Variants in PLA2G4B observed in about 807,000 individuals in gnomAD.
The protein encoded by PLA2G4B is cytosolic phospholipase A2 beta.
In PLA2G4B, 122 loss-of-function variants were observed where a neutral mutation model predicts 95.8. The ratio of observed to expected loss-of-function variants is 1.27; its 90% CI spans 1.10 to 1.48. The LOEUF (loss-of-function observed/expected upper bound fraction) is 1.48, where lower values mean the gene tolerates loss of function less well. Ranked by LOEUF, PLA2G4B falls within the 40% of genes most tolerant of loss-of-function variation. The pLI is 0.00. For synonymous variants in PLA2G4B, 518 were observed against 421.5 expected (o/e 1.23, Z -2.80); for missense variants, 1,158 against 996.2 (o/e 1.16, Z -2.19).
At position 41,843,814 on chromosome 15, in the gene PLA2G4B, T is replaced by C; in HGVS notation, c.879+3T>C. On this transcript the variant is annotated splice_donor_region_variant and intron_variant, in intron 11 of 19. Coordinates refer to ENST00000458483, the MANE Select transcript of PLA2G4B (RefSeq NM_001114633.2). ...ACGGAGACCTGCAGGAGGATGAGGT[T>C]TGGGGGCTGGGCTGGATGGGGTGTC... The C allele has an allele frequency of 6.2e-7, 1 of 1,613,516 alleles. No homozygotes were observed. The highest frequency in any genetic ancestry group is 8.5e-7 in the Non-Finnish European group (1 of 1,179,700).
In PLA2G4B at chr15:41,847,991, C is replaced by G. The variant is rs926032812; in HGVS notation, c.*131C>G. 3 of 1,272,824 alleles carry G rather than the reference C, an allele frequency of 2.4e-6. No homozygotes were observed. The highest frequency in any genetic ancestry group is 3.2e-6 in the Non-Finnish European group (3 of 939,558). The allele number at this position is 1,272,824 out of a possible 1,614,324, so 78.8% of individuals were successfully genotyped here. ...ACGGTCCCAGGGTCCAGGCTGAGGGCTGGGAGCTCCCTTGCGCCTCAGCAG... is the reference window on the plus strand; with the variant it reads ...ACGGTCCCAGGGTCCAGGCTGAGGGGTGGGAGCTCCCTTGCGCCTCAGCAG... On this transcript the variant is annotated 3_prime_UTR_variant, in exon 20 of 20. Transcript: ENST00000458483.
Position 41,840,907 on chromosome 15 carries a change from C to T in PLA2G4B, c.351+2C>T. 1 of 1,611,888 alleles carries T rather than the reference C, an allele frequency of 6.2e-7. No individual in the cohort carries two copies. The highest frequency in any genetic ancestry group is 8.5e-7 in the Non-Finnish European group (1 of 1,178,324). ...GAGAGCTTCTCACTGAGCCCTCAGGCAAGGCGGTGTTTCCACGGCAGCCCT... is the reference window on the plus strand; with the variant it reads ...GAGAGCTTCTCACTGAGCCCTCAGGTAAGGCGGTGTTTCCACGGCAGCCCT... On this transcript the variant is annotated splice_donor_variant, in intron 4 of 19. Transcript: ENST00000458483. LOFTEE classifies it low-confidence loss of function (GC_TO_GT_DONOR).
rs2065584891 is a variant in PLA2G4B at position 41,847,442 on chromosome 15, T to G, written c.2053T>G (p.Ser685Ala). Residue 685 changes from serine to alanine, a missense_variant, in exon 19 of 20, where the codon TCC (serine) becomes GCC (alanine). Ser to Ala is a moderately conservative substitution (Grantham distance 99). Transcript: ENST00000458483. The stretch of plus-strand genomic sequence containing the variant: ...CCAGCCTCGGGAGTGCCACACCTTC[T>G]CCGACCCCACCTGCCCCGGAGCCCC... ...QLQPRECHTF[S>A]DPTCPGAPAV... 6 of 1,613,418 alleles carry G rather than the reference T, an allele frequency of 3.7e-6. No homozygotes were observed. The highest frequency in any genetic ancestry group is 5.1e-6 in the Non-Finnish European group (6 of 1,179,856).
rs759388253 is a variant in PLA2G4B at position 41,841,094 on chromosome 15, CTG to C, written c.392+2_392+3del. The C allele has an allele frequency of 6.3e-7, 1 of 1,599,060 alleles. No homozygotes were observed. Among genetic ancestry groups the C allele is most frequent in the South Asian group, 1.1e-5 (1 of 89,766 alleles). ...GGAAGTTGAATTTCGCCTGCAGAGTCTGTGAGTCAGGGGCCTGGGGCAGTTTG... is the reference window on the plus strand; with the variant it reads ...GGAAGTTGAATTTCGCCTGCAGAGTCTGAGTCAGGGGCCTGGGGCAGTTTG... On this transcript the variant is annotated splice_donor_variant and coding_sequence_variant, in exon 5 of 20. Coordinates refer to ENST00000458483, the MANE Select transcript of PLA2G4B (RefSeq NM_001114633.2). LOFTEE classifies it high-confidence loss of function.
rs550059942 is a variant in PLA2G4B at position 41,847,937 on chromosome 15, A to G, written c.*77A>G. The stretch of plus-strand genomic sequence containing the variant: ...TTGCAGGTGGGAACTGTCATCACGC[A>G]GTGCTTCAGAGCCTCGGGCTCAGGT... On this transcript the variant is annotated 3_prime_UTR_variant, in exon 20 of 20. Transcript: ENST00000458483. 1.4e-4 allele frequency: 209 copies of G among 1,512,680 alleles called. 2 individuals carry two copies. In the East Asian group the frequency reaches 4.9e-3, roughly 36 times the overall value. 93.7% of individuals were successfully genotyped at this position (1,512,680 alleles called of 1,614,324 possible). A position where few individuals can be genotyped will look rare whatever the true frequency, so the allele number is the denominator to read the frequency against.
chr15:41,846,988 T>G (rs1197565024), intron 18 of PLA2G4B, among the ~76,000 whole-genome samples, 153 bp downstream of exon 18: 2 of 152,122 alleles, frequency 1.3e-5, no homozygotes, highest in African/African-American at 4.8e-5. Context: ...AGCTCATTCT[T>G]TTCCGGAAGT....
chr15:41,842,335 A>T (rs1287654252), intron 9 of PLA2G4B, 59 bp downstream of exon 9: 2 of 1,603,484 alleles, frequency 1.2e-6, no homozygotes, highest in Non-Finnish European at 1.7e-6. Flanking sequence ...CCCAGGCCAC[A>T]AAGGGAGGGG....
Position 41,840,243 on chromosome 15 carries a change from C to T in PLA2G4B, c.82+13C>T, listed in dbSNP as rs115974862. On this transcript the variant is annotated intron_variant, in intron 2 of 19. Transcript: ENST00000458483. ...TCTAAGGACCTAGGTGAGTGCGCAC[C>T]GCCCTGGCCCCTGTGCTGGGCTGAG... is the stretch of plus-strand genomic sequence containing the variant. 2.3e-3 allele frequency: 3,716 copies of T among 1,612,372 alleles called. 61 individuals carry two copies. In the African/African-American group the frequency reaches 0.045, roughly 19 times the overall value.
chr15:41,847,871 C>CTGCAGTG lies in PLA2G4B; in HGVS notation c.*11_*12insTGCAGTG. On this transcript the variant is annotated 3_prime_UTR_variant, in exon 20 of 20. Transcript: ENST00000458483. ...CGCAGGCCCCACTGATGGCCGGGGC[C>CTGCAGTG]CCTGCCACCCCTAACTCTCATTCAT... 1 of 1,609,356 alleles carries CTGCAGTG rather than the reference C, an allele frequency of 6.2e-7. No individual in the cohort carries two copies.
Position 41,847,810 on chromosome 15 carries a change from G to A in PLA2G4B, c.2296G>A (p.Glu766Lys). The change falls in exon 20 of 20, where the codon GAG (glutamate) becomes AAG (lysine). Residue 766 changes from glutamate (E) to lysine (K), a missense_variant. Physicochemically the swap from Glu to Lys is moderately conservative, Grantham distance 56 (BLOSUM62 1). Transcript: ENST00000458483. Reference sequence around the variant, plus strand: ...CTGCAACAACCAGGAGCAGCTGCTGGAGGCTCTGCGCCAGGCAGTGCAGCG... The same window carrying A: ...CTGCAACAACCAGGAGCAGCTGCTGAAGGCTCTGCGCCAGGCAGTGCAGCG... Reference protein sequence around the residue: ...NVCNNQEQLLEALRQAVQRRR... With the variant: ...NVCNNQEQLLKALRQAVQRRR... 1 of 1,608,572 alleles carries A rather than the reference G, an allele frequency of 6.2e-7. No individual in the cohort carries two copies. The highest frequency in any genetic ancestry group is 1.4e-5 in the African/African-American group (1 of 70,652).
intron 1 of PLA2G4B, chr15:41,839,259 T>C: frequency 4.1e-6 from 1 of 241,016 alleles, no homozygotes; most frequent in Non-Finnish European, 8.2e-6. Context: ...GCCTGGAGTG[T>C]GAGGGCCCTG....
At chr15:41,841,154 G>A in intron 5 of PLA2G4B, 59 bp downstream of exon 5, 2 of 1,614,024 alleles carry the variant, frequency 1.2e-6, no homozygotes, top group Admixed American at 1.7e-5. Context: ...GACAGCACTA[G>A]TGCCTGGGGG....
At chr15:41,845,484 G>T in intron 14 of PLA2G4B, 154 bp from the exon 15 acceptor site, 1 of 1,457,010 alleles carries the variant, frequency 6.9e-7, no homozygotes, top group East Asian at 2.3e-5. Flanking sequence ...CTTTGGGAAG[G>T]AGGCAGGGGC....
chr15:41,845,093 G>A, intron 13 of PLA2G4B, 23 bp downstream of exon 13: 6 of 1,596,212 alleles, frequency 3.8e-6, no homozygotes, highest in African/African-American at 1.3e-5. Context: ...CGGCCTGGGG[G>A]CAGAGCCAGG....
At position 41,840,162 on chromosome 15, in the gene PLA2G4B, A is replaced by G. The variant is rs775127588; in HGVS notation, c.14A>G (p.Glu5Gly). The change falls in exon 2 of 20, where the codon GAG becomes GGG. Residue 5 changes from glutamate to glycine, a missense_variant. Physicochemically the swap from Glu to Gly is moderately conservative, Grantham distance 98. Coordinates refer to ENST00000458483, the MANE Select transcript of PLA2G4B (RefSeq NM_001114633.2). ...TCCCCTCTCCCACCTCTGCAGGCAG[A>G]GGTGTCCAGGACCTGCCTGCTCACG... Reference protein sequence around the residue: MAVAEVSRTCLLTVR... With the variant: MAVAGVSRTCLLTVR... The G allele has an allele frequency of 1.7e-5, 27 of 1,612,990 alleles. No individual in the cohort carries two copies. In the Middle Eastern group the frequency reaches 8.2e-4, roughly 49 times the overall value.
At chr15:41,842,787 A>T in intron 10 of PLA2G4B, 196 bp downstream of exon 10, 1 of 816,688 alleles carries the variant, frequency 1.2e-6, no homozygotes, top group Non-Finnish European at 1.8e-6. Flanking sequence ...CTATGGTCAG[A>T]GGGGCGAGTG....
chr15:41,838,978 C>T, intron 1 of PLA2G4B, 56 bp downstream of exon 1: 1 of 1,410,260 alleles, frequency 7.1e-7, no homozygotes, highest in Non-Finnish European at 9.8e-7. Flanking sequence ...CTACCTGGGG[C>T]CTAGTTAATA....
rs118155699 is a variant in PLA2G4B, at chr15:41,847,835, G to A, written c.2321G>A (p.Arg774Gln). ...LLEALRQAVQ[R>Q]RRQRRPH ...GAGGCTCTGCGCCAGGCAGTGCAGC[G>A]GAGGCGGCAGCGCAGGCCCCACTGA... Residue 774 changes from arginine to glutamine, a missense_variant, in exon 20 of 20, where the codon CGG (arginine) becomes CAG (glutamine). Physicochemically the swap from Arg to Gln is conservative, Grantham distance 43 (BLOSUM62 1). Coordinates refer to ENST00000458483, the MANE Select transcript of PLA2G4B (RefSeq NM_001114633.2). The A allele has an allele frequency of 7.0e-4, 1,135 of 1,612,982 alleles. 32 individuals are homozygous for A. The East Asian group carries it at 0.024, about 35-fold the overall frequency.
intron 1 of PLA2G4B, 106 bp from the exon 2 acceptor site, chr15:41,840,052 G>A: frequency 8.0e-7 from 1 of 1,254,298 alleles, no homozygotes; most frequent in Middle Eastern, 1.9e-4. Context: ...GGATGGGCCT[G>A]GGGTTCAGGA....
Sources: gnomAD v4.1 joint callset for allele counts (sites outside exome capture counted in the v4.1 genomes callset) on GRCh38, gnomAD v4.1.1 for gene constraint, MANE v1.5 for transcripts, NCBI Gene and HGNC (gene_info 2026-07-23, HGNC 2026-07-21) for gene names.